The following SLC9A9 variants were observed in gnomAD, a reference collection of about 807,000 sequenced individuals.
SLC9A9 encodes solute carrier family 9 member A9, also known as sodium/hydrogen exchanger 9.
Under a neutral mutation model 77.8 loss-of-function variants are expected in SLC9A9, and 62 were observed. That is an observed-to-expected ratio of 0.80 (90% CI 0.65 to 0.98). The LOEUF (loss-of-function observed/expected upper bound fraction) is 0.98. SLC9A9 is among the 50% of genes least tolerant of loss of function. The pLI, the probability that SLC9A9 is intolerant of heterozygous loss-of-function variation, is 0.00. For synonymous variants in SLC9A9, 320 were observed against 283.5 expected (o/e 1.13, Z -1.29); for missense variants, 775 against 774.9 (o/e 1.00, Z 0.00).
chr3:143,308,832 T>A (rs1232429681), intron 14 of SLC9A9, among the ~76,000 whole-genome samples: 1 of 152,130 alleles, frequency 6.6e-6, no homozygotes, highest in East Asian at 1.9e-4. Context: ...TGGCCTGGCT[T>A]CCCCTGGCTT....
intron 14 of SLC9A9, chr3:143,344,322 A>G (rs2032195989): frequency 6.6e-6 from 1 of 152,230 alleles, no homozygotes; most frequent in East Asian, 1.9e-4. Flanking sequence ...GAGGCTTTGC[A>G]GAGGAATATA....
intron 6 of SLC9A9, among the ~76,000 whole-genome samples, chr3:143,582,081 A>T (rs2037465157): frequency 6.6e-6 from 1 of 152,228 alleles, no homozygotes; most frequent in Admixed American, 6.5e-5. Flanking sequence ...AAAGCTCGTT[A>T]TCTCTTGAAG....
At chr3:143,652,079 A>T (rs1369532011) in intron 6 of SLC9A9, among the ~76,000 whole-genome samples, 176 bp downstream of exon 6, 1 of 152,202 alleles carries the variant, frequency 6.6e-6, no homozygotes, top group East Asian at 1.9e-4. Flanking sequence ...AAAACCCATT[A>T]ATAGTATTAG....
intron 12 of SLC9A9, among the ~76,000 whole-genome samples, chr3:143,400,439 A>G (rs1179825407): frequency 6.6e-6 from 1 of 152,184 alleles, no homozygotes; most frequent in Non-Finnish European, 1.5e-5. Flanking sequence ...TCAGGAATGG[A>G]AAACCAAACG....
intron 11 of SLC9A9, among the ~76,000 whole-genome samples, chr3:143,487,775 A>G (rs1056910196): frequency 6.6e-6 from 1 of 151,768 alleles, no homozygotes; most frequent in Non-Finnish European, 1.5e-5. Context: ...AAACACTTAC[A>G]TTAAAAAACA....
At chr3:143,381,904 A>C (rs2033312123) in intron 13 of SLC9A9, 156 bp downstream of exon 13, 1 of 856,672 alleles carries the variant, frequency 1.2e-6, no homozygotes, top group Non-Finnish European at 1.9e-6. Flanking sequence ...AACACCCTGA[A>C]TTCCCTTGTA....
chr3:143,798,857 C>A (rs963904684), intron 2 of SLC9A9, among the ~76,000 whole-genome samples: 6 of 152,130 alleles, frequency 3.9e-5, no homozygotes, highest in African/African-American at 1.4e-4. Context: ...AGTTCCAACC[C>A]CAAGTGTTGC....
chr3:143,607,699 T>TC (rs2037951215), intron 6 of SLC9A9, among the ~76,000 whole-genome samples: 1 of 151,806 alleles, frequency 6.6e-6, no homozygotes, highest in Non-Finnish European at 1.5e-5. Context: ...ACATAGAGAA[T>TC]TCAATAATCA....
Position 143,623,782 on chromosome 3 carries a change from A to G in SLC9A9, c.755+28473T>C, listed in dbSNP as rs1486473337. ...CTAAGATCAGAGCAGAACTGAAGGA[A>G]ATAGAGACACAAAAAACCCTTCAAA... On this transcript the variant is annotated intron_variant, in intron 6 of 15. Coordinates refer to ENST00000316549, the MANE Select transcript of SLC9A9 (RefSeq NM_173653.4). 9.2e-5 allele frequency among the ~76,000 whole-genome samples: 14 copies of G among 152,286 alleles called. No individual in the cohort carries two copies. In the East Asian group the frequency reaches 2.5e-3, roughly 27 times the overall value.
At chr3:143,483,586 C>A (rs546338425) in intron 11 of SLC9A9, among the ~76,000 whole-genome samples, 5 of 152,116 alleles carry the variant, frequency 3.3e-5, no homozygotes, top group Non-Finnish European at 7.4e-5. Flanking sequence ...AAATATCTTA[C>A]TTATGCAAAC....
chr3:143,382,373 C>T (rs866081048), intron 12 of SLC9A9, among the ~76,000 whole-genome samples: 14 of 152,110 alleles, frequency 9.2e-5, no homozygotes, highest in Admixed American at 2.0e-4. Flanking sequence ...GGTAAGCATC[C>T]CTGAGAACCT....
At chr3:143,723,318 A>G (rs1228233457) in intron 4 of SLC9A9, among the ~76,000 whole-genome samples, 2 of 152,184 alleles carry the variant, frequency 1.3e-5, no homozygotes, top group African/African-American at 2.4e-5. Flanking sequence ...CAAAAATTTG[A>G]TAAGACTTCT....
intron 4 of SLC9A9, among the ~76,000 whole-genome samples, chr3:143,712,020 C>G (rs1294809877): frequency 6.6e-6 from 1 of 152,320 alleles, no homozygotes; most frequent in East Asian, 1.9e-4. Flanking sequence ...GCCCTGCAAC[C>G]TACCCACTAA....
chr3:143,420,702 C>T (rs1420434776), intron 12 of SLC9A9, among the ~76,000 whole-genome samples: 1 of 152,146 alleles, frequency 6.6e-6, no homozygotes, highest in Non-Finnish European at 1.5e-5. Context: ...AGTGGTTTTA[C>T]ATACATTTAA....
chr3:143,619,832 C>T (rs1346822563), intron 6 of SLC9A9, among the ~76,000 whole-genome samples: 1 of 152,172 alleles, frequency 6.6e-6, no homozygotes, highest in Non-Finnish European at 1.5e-5. Flanking sequence ...GTAATAAATA[C>T]CATTTTCATC....
At chr3:143,289,343 A>T (rs144226918) in intron 14 of SLC9A9, among the ~76,000 whole-genome samples, 20 of 152,222 alleles carry the variant, frequency 1.3e-4, no homozygotes, top group Middle Eastern at 3.4e-3. Context: ...TAGTTTCAAG[A>T]ATGTTTCTGA....
At chr3:143,804,786 A>T (rs2121773) in intron 2 of SLC9A9, among the ~76,000 whole-genome samples, 13 of 152,132 alleles carry the variant, frequency 8.5e-5, no homozygotes, top group African/African-American at 2.7e-4. Flanking sequence ...CTATTGCTCT[A>T]GGTACTGGAA....
chr3:143,775,820 CTTT>C (rs367846496), intron 4 of SLC9A9, among the ~76,000 whole-genome samples: 1 of 152,110 alleles, frequency 6.6e-6, no homozygotes, highest in Non-Finnish European at 1.5e-5. Flanking sequence ...TGGAACAGAC[CTTT>C]TTTTAAAGTT....
chr3:143,744,288 C>A (rs1301236536), intron 4 of SLC9A9, among the ~76,000 whole-genome samples: 1 of 152,178 alleles, frequency 6.6e-6, no homozygotes, highest in Non-Finnish European at 1.5e-5. Flanking sequence ...ACCGCTGATA[C>A]CCCTGTGCTC....
Sources: allele counts gnomAD v4.1 joint callset (sites outside exome capture counted in the v4.1 genomes callset), GRCh38; gene constraint gnomAD v4.1.1; transcripts MANE v1.5; gene names NCBI Gene and HGNC (gene_info 2026-07-23, HGNC 2026-07-21).